The following LINGO2 variants were observed in gnomAD, a reference collection of about 807,000 sequenced individuals.
LINGO2 encodes leucine rich repeat and Ig domain containing 2, also known as leucine-rich repeat and immunoglobulin-like domain-containing nogo receptor-interacting protein 2.
A neutral mutation model predicts 30.6 loss-of-function variants in LINGO2; 14 were observed. That is an observed-to-expected ratio of 0.46 (90% CI 0.30 to 0.72). The LOEUF is 0.72. Among genes scored for constraint, LINGO2 ranks in the 30% least tolerant of loss-of-function variants. The pLI, the probability that LINGO2 is intolerant of heterozygous loss-of-function variation, is 0.07. For missense variants in LINGO2, 729 were observed against 751.7 expected, an observed-to-expected ratio of 0.97 and a Z score of 0.35; for synonymous variants, 317 against 288.5, an observed-to-expected ratio of 1.10 and a Z score of -1.00.
intron 4 of LINGO2, among the ~76,000 whole-genome samples, chr9:28,208,739 A>G (rs1277480563): frequency 2.6e-5 from 4 of 151,998 alleles, no homozygotes; most frequent in Non-Finnish European, 5.9e-5. Context: ...CAGTCTCTTC[A>G]TTAACCTATG....
chr9:28,010,713 G>A (rs1822512217), intron 5 of LINGO2, among the ~76,000 whole-genome samples: 1 of 152,232 alleles, frequency 6.6e-6, no homozygotes, highest in Admixed American at 6.5e-5. Flanking sequence ...AGCACTTTGG[G>A]AGGCAGAGAT....
chr9:28,262,795 A>G (rs1192983478), intron 4 of LINGO2, among the ~76,000 whole-genome samples: 1 of 151,974 alleles, frequency 6.6e-6, no homozygotes, highest in Non-Finnish European at 1.5e-5. Context: ...ACTATTCTCT[A>G]TTTCTTTAGA....
the LINGO2 span, among the ~76,000 whole-genome samples, chr9:29,031,245 AGTG>A: frequency 0.4 from 59,765 of 150,732 alleles, 11,969 homozygotes; most frequent in East Asian, 0.53. Flanking sequence ...ATAGTAACAA[AGTG>A]GTGGTGGTGG....
chr9:28,061,499 TTC>T (rs1317814709), intron 4 of LINGO2, among the ~76,000 whole-genome samples: 1 of 152,018 alleles, frequency 6.6e-6, no homozygotes, highest in Non-Finnish European at 1.5e-5. Flanking sequence ...CATCACCAGA[TTC>T]TTTTTTTTTG....
At chr9:28,835,719 T>C in the LINGO2 span, among the ~76,000 whole-genome samples, 1 of 152,204 alleles carries the variant, frequency 6.6e-6, no homozygotes, top group Non-Finnish European at 1.5e-5. Flanking sequence ...TCAGAATGTC[T>C]TGTCTTTTCC....
At chr9:28,257,571 T>A (rs1430779687) in intron 4 of LINGO2, among the ~76,000 whole-genome samples, 1 of 151,904 alleles carries the variant, frequency 6.6e-6, no homozygotes, top group Non-Finnish European at 1.5e-5. Flanking sequence ...AATAATTCCA[T>A]AAGTAAGATA....
the LINGO2 span, among the ~76,000 whole-genome samples, chr9:28,994,739 G>C: frequency 2.6e-5 from 4 of 152,120 alleles, no homozygotes; most frequent in African/African-American, 9.7e-5. Context: ...TCTGATCTTT[G>C]ACAAACCTGA....
chr9:28,263,195 G>T (rs1822627090), intron 4 of LINGO2, among the ~76,000 whole-genome samples: 2 of 151,920 alleles, frequency 1.3e-5, no homozygotes, highest in East Asian at 1.9e-4. Context: ...CTTCTCAAAG[G>T]CCAACAGGAA....
At chr9:28,021,508 T>G (rs1428460483) in intron 4 of LINGO2, among the ~76,000 whole-genome samples, 1 of 152,186 alleles carries the variant, frequency 6.6e-6, no homozygotes, top group Non-Finnish European at 1.5e-5. Flanking sequence ...TTAGATTAAG[T>G]TGATTGGTAG....
chr9:28,747,490 A>G, the LINGO2 span, among the ~76,000 whole-genome samples: 3 of 152,066 alleles, frequency 2.0e-5, no homozygotes, highest in African/African-American at 7.3e-5. Flanking sequence ...CCATCTGTGG[A>G]TGACAAAGCT....
At chr9:29,052,951 G>GT in the LINGO2 span, among the ~76,000 whole-genome samples, 6 of 151,556 alleles carry the variant, frequency 4.0e-5, no homozygotes, top group African/African-American at 4.8e-5. Flanking sequence ...ACTGAAGCTT[G>GT]TTTTTTTTGA....
At chr9:28,795,631 G>T in the LINGO2 span, among the ~76,000 whole-genome samples, 9 of 151,298 alleles carry the variant, frequency 5.9e-5, no homozygotes, top group African/African-American at 2.2e-4. Context: ...ATAATTTAAT[G>T]GTTTAAAATA....
chr9:28,033,216 C>T (rs1823767284), intron 4 of LINGO2, among the ~76,000 whole-genome samples: 1 of 152,162 alleles, frequency 6.6e-6, no homozygotes, highest in South Asian at 2.1e-4. Context: ...AATAGGTGTG[C>T]ATGAATTTTA....
At chr9:29,070,092 T>TAC in the LINGO2 span, among the ~76,000 whole-genome samples, 2 of 143,926 alleles carry the variant, frequency 1.4e-5, no homozygotes, top group African/African-American at 2.7e-5. Context: ...CACATACACA[T>TAC]ACATATATTC....
At chr9:28,589,314 G>A (rs1350392232) in intron 1 of LINGO2, among the ~76,000 whole-genome samples, 3 of 152,094 alleles carry the variant, frequency 2.0e-5, no homozygotes, top group East Asian at 3.9e-4. Flanking sequence ...AGTCAGGCAG[G>A]AGAAGGAAAT....
At chr9:28,780,322 C>T in the LINGO2 span, among the ~76,000 whole-genome samples, 13 of 146,850 alleles carry the variant, frequency 8.9e-5, no homozygotes, top group African/African-American at 1.2e-4. Context: ...TGGTATTTAA[C>T]GTAGAGGGTC....
At chr9:29,179,270 T>C in the LINGO2 span, among the ~76,000 whole-genome samples, 8 of 148,832 alleles carry the variant, frequency 5.4e-5, no homozygotes, top group Non-Finnish European at 8.9e-5. Flanking sequence ...CAAGGTGGAC[T>C]TCTGGGCAAG....
chr9:28,273,311 G>A (rs1381427888), intron 4 of LINGO2, among the ~76,000 whole-genome samples: 2 of 152,188 alleles, frequency 1.3e-5, no homozygotes, highest in African/African-American at 2.4e-5. Flanking sequence ...TTTTATGGCT[G>A]TAGTATCCAC....
rs888742384 is a variant in LINGO2 at position 28,598,452 on chromosome 9, C to G, written c.-365+71748G>C. Among the ~76,000 whole-genome samples the G allele has an allele frequency of 2.9e-5, 4 of 136,504 alleles. No homozygotes were observed. The Admixed American group carries it at 3.0e-4, about 10-fold the overall frequency. The allele number at this position is 136,504 out of a possible 152,430, so 89.6% of individuals were successfully genotyped here. On this transcript the variant is annotated intron_variant, in intron 1 of 5. Coordinates refer to ENST00000379992, the Ensembl canonical transcript of LINGO2. ...AAAAAAAACAAAACAAACAAACAAA[C>G]AAAAAAAACGCCAAATAATGATCTG...
Sources: allele counts gnomAD v4.1 joint callset (sites outside exome capture counted in the v4.1 genomes callset), GRCh38; gene constraint gnomAD v4.1.1; transcripts MANE v1.5; gene names NCBI Gene and HGNC (gene_info 2026-07-23, HGNC 2026-07-21).